The following RNF130 variants were observed in gnomAD, a reference collection of about 807,000 sequenced individuals.
RNF130 encodes E3 ubiquitin-protein ligase RNF130.
Under a neutral mutation model 44.6 loss-of-function variants are expected in RNF130, and 21 were observed. The ratio of observed to expected loss-of-function variants is 0.47; its 90% CI spans 0.33 to 0.68. The LOEUF is 0.68. RNF130 is among the 30% of genes least tolerant of loss of function. The probability of loss-of-function intolerance (pLI) is 0.02; values close to 1 mark genes in which losing one functional copy is unlikely to be tolerated. For missense variants in RNF130, 479 were observed against 560.6 expected (o/e 0.85, Z 1.47); for synonymous variants, 214 against 210.4 (o/e 1.02, Z -0.15).
intron 1 of RNF130, among the ~76,000 whole-genome samples, chr5:180,065,135 TA>T (rs34442402): frequency 0.18 from 26,367 of 146,652 alleles, 2,362 homozygotes; most frequent in Admixed American, 0.21. Context: ...AGAATGAATT[TA>T]AAAAAAAAAA....
chr5:179,987,147 T>C (rs1338537387), intron 3 of RNF130, among the ~76,000 whole-genome samples: 1 of 151,892 alleles, frequency 6.6e-6, no homozygotes, highest in Non-Finnish European at 1.5e-5. Context: ...CCCTTCCTCC[T>C]TTCCTTCCTT....
chr5:180,064,903 G>A (rs1765065465), intron 1 of RNF130, among the ~76,000 whole-genome samples: 1 of 140,600 alleles, frequency 7.1e-6, no homozygotes, highest in African/African-American at 2.7e-5. Context: ...TAAAAGCCAA[G>A]TCCTGAACTA....
chr5:180,043,975 C>T (rs1040610492), intron 1 of RNF130, among the ~76,000 whole-genome samples: 1 of 152,106 alleles, frequency 6.6e-6, no homozygotes, highest in African/African-American at 2.4e-5. Flanking sequence ...TAGTTATTCC[C>T]TCCTGTAATT....
At chr5:179,986,226 C>A (rs954066519) in intron 3 of RNF130, among the ~76,000 whole-genome samples, 2 of 152,216 alleles carry the variant, frequency 1.3e-5, no homozygotes, top group Non-Finnish European at 2.9e-5. Flanking sequence ...GCAATGGCTT[C>A]ATGAATAGAT....
intron 3 of RNF130, among the ~76,000 whole-genome samples, chr5:179,992,607 T>C (rs1443295293): frequency 6.6e-6 from 1 of 152,204 alleles, no homozygotes; most frequent in East Asian, 1.9e-4. Context: ...GGGGGTGTCA[T>C]ATTATCTTTT....
chr5:180,026,958 CAG>C, intron 2 of RNF130, among the ~76,000 whole-genome samples: 1 of 152,174 alleles, frequency 6.6e-6, no homozygotes, highest in East Asian at 1.9e-4. Flanking sequence ...CATGGAGGCA[CAG>C]AGAGGGCTCT....
intron 3 of RNF130, among the ~76,000 whole-genome samples, chr5:179,990,836 T>C (rs1053894631): frequency 6.6e-6 from 1 of 152,234 alleles, no homozygotes; most frequent in Non-Finnish European, 1.5e-5. Flanking sequence ...TAGGTTATAA[T>C]TGTAGAGTAA....
chr5:180,035,726 C>T (rs183142316), intron 2 of RNF130, among the ~76,000 whole-genome samples: 42 of 152,252 alleles, frequency 2.8e-4, no homozygotes, highest in African/African-American at 9.9e-4. Context: ...GCATCTGAGG[C>T]TCTGTTCATT....
intron 5 of RNF130, among the ~76,000 whole-genome samples, chr5:179,972,003 C>A (rs192476016): frequency 6.6e-6 from 1 of 152,250 alleles, no homozygotes; most frequent in East Asian, 1.9e-4. Flanking sequence ...GAACCATCAC[C>A]CCTGAAGGCA....
chr5:180,039,600 G>A (rs369498216), intron 2 of RNF130, among the ~76,000 whole-genome samples: 52 of 152,240 alleles, frequency 3.4e-4, no homozygotes, highest in African/African-American at 1.2e-3. Context: ...AGATGTGTGG[G>A]GAAGTACCAA....
At chr5:180,058,119 T>C (rs1764881390) in intron 1 of RNF130, among the ~76,000 whole-genome samples, 1 of 152,048 alleles carries the variant, frequency 6.6e-6, no homozygotes, top group African/African-American at 2.4e-5. Context: ...AACTACGGTG[T>C]CAAAGCGAGG....
At chr5:179,949,707 T>C (rs1480260476) in intron 7 of RNF130, among the ~76,000 whole-genome samples, 1 of 152,232 alleles carries the variant, frequency 6.6e-6, no homozygotes, top group African/African-American at 2.4e-5. Flanking sequence ...CTCAAAGCTG[T>C]TGTAACTTTA....
chr5:179,991,210 T>C (rs116361925), intron 3 of RNF130, among the ~76,000 whole-genome samples: 1,847 of 152,302 alleles, frequency 0.012, 21 homozygotes, highest in Non-Finnish European at 0.02. Flanking sequence ...GATGACTAGG[T>C]GCTTTTCTCT....
intron 2 of RNF130, among the ~76,000 whole-genome samples, chr5:180,016,010 G>A (rs1763718579): frequency 1.3e-5 from 2 of 152,258 alleles, no homozygotes; most frequent in African/African-American, 2.4e-5. Context: ...ACGCCCTCAG[G>A]AGCAAAGGGG....
At chr5:180,062,201 C>T (rs902667197) in intron 1 of RNF130, among the ~76,000 whole-genome samples, 16 of 151,986 alleles carry the variant, frequency 1.1e-4, no homozygotes, top group African/African-American at 3.4e-4. Flanking sequence ...ACTACAGGCA[C>T]GCACAGCCAC....
intron 1 of RNF130, among the ~76,000 whole-genome samples, chr5:180,056,741 G>A (rs1764833397): frequency 6.6e-6 from 1 of 152,154 alleles, no homozygotes; most frequent in African/African-American, 2.4e-5. Context: ...CAATGCTCAT[G>A]ACTGGACTGC....
intron 3 of RNF130, among the ~76,000 whole-genome samples, chr5:180,012,140 G>A (rs1389461102): frequency 6.6e-6 from 1 of 152,176 alleles, no homozygotes; most frequent in Non-Finnish European, 1.5e-5. Flanking sequence ...AGGGGTCATG[G>A]TGAACTGGTG....
intron 2 of RNF130, among the ~76,000 whole-genome samples, chr5:180,015,880 G>T (rs999634471): frequency 1.8e-4 from 28 of 152,216 alleles, no homozygotes; most frequent in African/African-American, 3.1e-4. Flanking sequence ...TTTGGGAAAA[G>T]AAGTGTGTAA....
intron 3 of RNF130, among the ~76,000 whole-genome samples, chr5:179,996,867 G>A (rs1375496643): frequency 6.6e-6 from 1 of 152,170 alleles, no homozygotes. Flanking sequence ...TCAGTTTTCT[G>A]GAGGAGTATG....
Sources: allele counts gnomAD v4.1 joint callset (sites outside exome capture counted in the v4.1 genomes callset), GRCh38; gene constraint gnomAD v4.1.1; transcripts MANE v1.5; gene names NCBI Gene and HGNC (gene_info 2026-07-23, HGNC 2026-07-21).